The following SAFB2 variants were observed in gnomAD, a reference collection of about 807,000 sequenced individuals.
SAFB2 encodes scaffold attachment factor B2.
Under a neutral mutation model 100.6 loss-of-function variants are expected in SAFB2, and 32 were observed. That is an observed-to-expected ratio of 0.32 (90% confidence interval 0.24 to 0.43). The LOEUF is 0.43. SAFB2 is among the 20% of genes least tolerant of loss of function. The pLI is 1.00. For missense variants in SAFB2, 1,185 were observed against 1,163.4 expected (o/e 1.02, Z -0.27); for synonymous variants, 500 against 439.4 (o/e 1.14, Z -1.72).
At position 5,590,421 on chromosome 19, in the gene SAFB2, A is replaced by G; in HGVS notation, c.2395-13T>C. On this transcript the variant is annotated splice_polypyrimidine_tract_variant and intron_variant, in intron 17 of 20. Transcript: ENST00000252542. Reference sequence around the variant, plus strand: ...CATCTCCATAGTGCTGGAAGGCAGGAGAGGAACAGGGTGACACTGACCATG... The same window carrying G: ...CATCTCCATAGTGCTGGAAGGCAGGGGAGGAACAGGGTGACACTGACCATG... 1 of 1,602,264 alleles carries G rather than the reference A, an allele frequency of 6.2e-7. No individual in the cohort carries two copies.
intron 11 of SAFB2, among the ~76,000 whole-genome samples, chr19:5,602,495 A>AT (rs1261575286): frequency 6.6e-5 from 10 of 151,160 alleles, no homozygotes; most frequent in African/African-American, 1.9e-4. Flanking sequence ...AAAAAAAAAA[A>AT]AAAAAAAAAA....
At chr19:5,618,795 G>A (rs979661986) in intron 2 of SAFB2, among the ~76,000 whole-genome samples, 23 of 152,164 alleles carry the variant, frequency 1.5e-4, no homozygotes, top group Admixed American at 6.5e-4. Context: ...CCCAATCCCC[G>A]GCACCTGGCA....
At chr19:5,607,009 C>T (rs1249450089) in intron 9 of SAFB2, among the ~76,000 whole-genome samples, 3 of 152,228 alleles carry the variant, frequency 2.0e-5, no homozygotes, top group Non-Finnish European at 4.4e-5. Flanking sequence ...CGCCTGTAAT[C>T]TCAGCACTTT....
intron 2 of SAFB2, among the ~76,000 whole-genome samples, chr19:5,620,847 A>T (rs2053125234): frequency 6.6e-6 from 1 of 152,184 alleles, no homozygotes; most frequent in South Asian, 2.1e-4. Context: ...CACATTCAAA[A>T]ACCGTAATAG....
intron 9 of SAFB2, among the ~76,000 whole-genome samples, chr19:5,605,432 A>T (rs935317329): frequency 6.6e-6 from 1 of 152,164 alleles, no homozygotes; most frequent in East Asian, 1.9e-4. Context: ...TTAATACAAG[A>T]TAAGTCATCA....
At chr19:5,589,562 G>A (rs915048728) in intron 18 of SAFB2, among the ~76,000 whole-genome samples, 3 of 152,180 alleles carry the variant, frequency 2.0e-5, no homozygotes, top group African/African-American at 7.2e-5. Flanking sequence ...GGCAGCAGCC[G>A]CAAAGCAGTC....
At chr19:5,590,123 T>C (rs1372303064) in intron 18 of SAFB2, among the ~76,000 whole-genome samples, 155 bp downstream of exon 18, 1 of 152,144 alleles carries the variant, frequency 6.6e-6, no homozygotes, top group Non-Finnish European at 1.5e-5. Context: ...GAACCTGGAC[T>C]TTCTGAGTCA....
intron 11 of SAFB2, among the ~76,000 whole-genome samples, chr19:5,603,906 T>C (rs192130352): frequency 1.2e-3 from 185 of 152,356 alleles, no homozygotes; most frequent in African/African-American, 4.3e-3. Flanking sequence ...CTGTGATTAA[T>C]AAGTGAGAAC....
intron 9 of SAFB2, among the ~76,000 whole-genome samples, chr19:5,609,051 C>CAA (rs60419324): frequency 4.0e-3 from 289 of 72,188 alleles, no homozygotes; most frequent in Non-Finnish European, 4.9e-3. Flanking sequence ...GACGCAGTCT[C>CAA]AAAAAAAAAA....
At chr19:5,619,027 G>C (rs139305134) in intron 2 of SAFB2, among the ~76,000 whole-genome samples, 271 of 152,314 alleles carry the variant, frequency 1.8e-3, no homozygotes, top group Non-Finnish European at 2.9e-3. Flanking sequence ...TTTTTGCAAG[G>C]AAGCAGTTAC....
At chr19:5,589,680 A>G (rs993269806) in intron 18 of SAFB2, among the ~76,000 whole-genome samples, 2 of 152,138 alleles carry the variant, frequency 1.3e-5, no homozygotes, top group Non-Finnish European at 2.9e-5. Flanking sequence ...CCTCCCAGAC[A>G]AGCCCTGCCC....
At chr19:5,591,054 C>G (rs963801390) in intron 17 of SAFB2, among the ~76,000 whole-genome samples, 1 of 152,068 alleles carries the variant, frequency 6.6e-6, no homozygotes, top group Admixed American at 6.5e-5. Flanking sequence ...TGGGGAAGCC[C>G]GGGCTCCCCC....
At chr19:5,591,103 C>T (rs2145315163) in intron 17 of SAFB2, among the ~76,000 whole-genome samples, 1 of 152,238 alleles carries the variant, frequency 6.6e-6, no homozygotes, top group South Asian at 2.1e-4. Context: ...AAACGACAAC[C>T]ACCATTTGGG....
chr19:5,587,234 G>T lies in SAFB2; in HGVS notation c.*9C>A. The T allele has an allele frequency of 4.3e-6, 7 of 1,612,632 alleles. No homozygotes were observed. Among genetic ancestry groups the T allele is most frequent in the Non-Finnish European group, 5.9e-6 (7 of 1,179,388 alleles). On this transcript the variant is annotated 3_prime_UTR_variant, in exon 21 of 21. Transcript: ENST00000252542. This position sits in a 1 kb window ranked among gnomAD's most constrained non-coding sequence, Gnocchi z 4.9. ...GTCTGCCCACCCGAAAACTCGCAGC[G>T]AGTGGGACTTAGTAGCGGCGGGTGA... is the stretch of plus-strand genomic sequence containing the variant.
At position 5,594,120 on chromosome 19, in the gene SAFB2, T is replaced by C; in HGVS notation, c.1978A>G (p.Lys660Glu). The change falls in exon 15 of 21, where the codon AAG becomes GAG. Residue 660 changes from lysine (K) to glutamate (E), a missense_variant. Transcript: ENST00000252542. ...RLEAFHERKE[K>E]ARLQRERLQL... ...AGGCGTTCCCGCTGTAGCCGGGCCT[T>C]CTCCTTCCGCTCATGGAAGGCCTCG... 1 of 1,602,426 alleles carries C rather than the reference T, an allele frequency of 6.2e-7. No homozygotes were observed. Among genetic ancestry groups the C allele is most frequent in the East Asian group, 2.2e-5 (1 of 44,798 alleles).
At chr19:5,622,365 C>T (rs994217541) in intron 1 of SAFB2, among the ~76,000 whole-genome samples, 165 bp downstream of exon 1, 1 of 152,176 alleles carries the variant, frequency 6.6e-6, no homozygotes, top group Non-Finnish European at 1.5e-5. Context: ...CGGTGACGGG[C>T]CAAGGTCACA....
intron 18 of SAFB2, among the ~76,000 whole-genome samples, chr19:5,588,666 CAA>C (rs1318439518): frequency 1.3e-5 from 2 of 152,028 alleles, no homozygotes; most frequent in Admixed American, 1.3e-4. Context: ...AGAAATGACT[CAA>C]GACGGCAAAT....
Position 5,587,234 on chromosome 19 carries a change from G to C in SAFB2, c.*9C>G, listed in dbSNP as rs2052270660. The C allele has an allele frequency of 1.9e-6, 3 of 1,612,632 alleles. No individual in the cohort carries two copies. Among genetic ancestry groups the C allele is most frequent in the East Asian group, 2.2e-5 (1 of 44,824 alleles). On this transcript the variant is annotated 3_prime_UTR_variant, in exon 21 of 21. Transcript: ENST00000252542. The surrounding 1 kb of genome is among the most constrained non-coding windows in gnomAD (Gnocchi z 4.9). ...GTCTGCCCACCCGAAAACTCGCAGC[G>C]AGTGGGACTTAGTAGCGGCGGGTGA...
At position 5,587,028 on chromosome 19, in the gene SAFB2, T is replaced by C; in HGVS notation, c.*215A>G. Reference sequence around the variant, plus strand: ...AATGGTAAACTTTATTAATGGAAAATGGAATGCCTCGTTAACAGAAACCTT... The same window carrying C: ...AATGGTAAACTTTATTAATGGAAAACGGAATGCCTCGTTAACAGAAACCTT... On this transcript the variant is annotated 3_prime_UTR_variant, in exon 21 of 21. Transcript: ENST00000252542. This position sits in a 1 kb window ranked among gnomAD's most constrained non-coding sequence, Gnocchi z 4.9. The C allele has an allele frequency of 1.6e-6, 1 of 641,486 alleles. No homozygotes were observed. 39.7% of individuals were successfully genotyped at this position (641,486 alleles called of 1,614,324 possible).
Sources: gnomAD v4.1 joint callset for allele counts (sites outside exome capture counted in the v4.1 genomes callset) on GRCh38, gnomAD v4.1.1 for gene constraint, Gnocchi (gnomAD v3.1) non-coding constraint, MANE v1.5 for transcripts, NCBI Gene and HGNC (gene_info 2026-07-23, HGNC 2026-07-21) for gene names.